The following ART3 variants were observed in gnomAD, a reference collection of about 807,000 sequenced individuals.
The protein encoded by ART3 is ecto-ADP-ribosyltransferase 3.
In ART3, 49 loss-of-function variants were observed where a neutral mutation model predicts 48.5. That is an observed-to-expected ratio of 1.01 (90% CI 0.80 to 1.28). The LOEUF is 1.28. ART3 is among the 50% of genes most tolerant of loss of function. The pLI, the probability that ART3 is intolerant of heterozygous loss-of-function variation, is 0.00. For missense variants in ART3, 438 were observed against 454.3 expected (o/e 0.96, Z 0.33); for synonymous variants, 145 against 157.2 (o/e 0.92, Z 0.58).
At chr4:76,040,479 C>CACACACACACAT (rs1160410234) in intron 1 of ART3, among the ~76,000 whole-genome samples, 1 of 149,748 alleles carries the variant, frequency 6.7e-6, no homozygotes, top group Non-Finnish European at 1.5e-5. Context: ...CACACACACA[C>CACACACACACAT]ATTTCGCCTA....
At chr4:76,045,465 T>C (rs9990733) in intron 1 of ART3, among the ~76,000 whole-genome samples, 93,562 of 151,738 alleles carry the variant, frequency 0.62, 30,197 homozygotes, top group East Asian at 0.94. Context: ...TTGTATTATT[T>C]TGATAGCCTC....
At chr4:76,025,132 A>C (rs1733257204) in intron 1 of ART3, among the ~76,000 whole-genome samples, 1 of 152,214 alleles carries the variant, frequency 6.6e-6, no homozygotes, top group Non-Finnish European at 1.5e-5. Context: ...GACAGAACCC[A>C]AAAGACTTTC....
At chr4:76,048,001 C>T (rs1409333538) in intron 1 of ART3, among the ~76,000 whole-genome samples, 1 of 151,876 alleles carries the variant, frequency 6.6e-6, no homozygotes, top group Non-Finnish European at 1.5e-5. Flanking sequence ...AAATTCCCCT[C>T]CCCCTACAGC....
At chr4:76,044,827 T>C (rs111858324) in intron 1 of ART3, among the ~76,000 whole-genome samples, 6 of 152,016 alleles carry the variant, frequency 3.9e-5, no homozygotes, top group African/African-American at 1.4e-4. Context: ...CTCCTTCCCA[T>C]TTTGATGGCC....
intron 1 of ART3, among the ~76,000 whole-genome samples, chr4:76,060,084 C>T (rs372293926): frequency 5.9e-5 from 9 of 152,128 alleles, no homozygotes; most frequent in African/African-American, 1.9e-4. Context: ...TGTTGCCTTG[C>T]ATGGAGTCAG....
rs766644940 is a variant in ART3, at chr4:76,023,352, A to G, written c.-10+12032A>G. On this transcript the variant is annotated intron_variant, in intron 1 of 9. Coordinates refer to the ART3 transcript ENST00000341029. ...CTATTTCTCATTTTACAAATTAAGT[A>G]TCCTTTGATGTTCCTTACCTTGAAT... 8 of 1,583,464 alleles carry G rather than the reference A, an allele frequency of 5.1e-6. No individual in the cohort carries two copies. The Admixed American group carries it at 1.2e-4, about 23-fold the overall frequency.
chr4:76,085,194 G>A (rs965547651), intron 3 of ART3, among the ~76,000 whole-genome samples: 2 of 152,204 alleles, frequency 1.3e-5, no homozygotes, highest in Admixed American at 1.3e-4. Flanking sequence ...GGGTCTTGAA[G>A]GTGTGATTGC....
chr4:76,066,310 TGAGGAAGAAGAAGAG>T (rs1383882252), intron 1 of ART3, among the ~76,000 whole-genome samples: 4 of 151,814 alleles, frequency 2.6e-5, no homozygotes, highest in African/African-American at 9.7e-5. Flanking sequence ...AAATGAAGGG[TGAGGAAGAAGAAGAG>T]GAGATTTATT....
intron 3 of ART3, among the ~76,000 whole-genome samples, chr4:76,091,401 G>A (rs1724857108): frequency 2.0e-5 from 3 of 152,170 alleles, no homozygotes; most frequent in East Asian, 1.9e-4. Context: ...CATTCTTGCC[G>A]ACACTTGATA....
chr4:76,086,318 A>T (rs1482911461), intron 3 of ART3, among the ~76,000 whole-genome samples: 1 of 152,198 alleles, frequency 6.6e-6, no homozygotes, highest in Non-Finnish European at 1.5e-5. Context: ...AGATTCTGCC[A>T]TTTGCCACAA....
chr4:76,095,513 G>GA (rs1307384251), intron 3 of ART3, among the ~76,000 whole-genome samples: 1 of 151,678 alleles, frequency 6.6e-6, no homozygotes, highest in Admixed American at 6.6e-5. Flanking sequence ...ATCTCAAAAA[G>GA]AAAAAATAAT....
chr4:76,105,494 A>G (rs771265040), intron 10 of ART3: 146 of 1,287,238 alleles, frequency 1.1e-4, no homozygotes, highest in Non-Finnish European at 1.4e-4. Context: ...TGCCTTTGTT[A>G]TTATCTGAAA....
intron 1 of ART3, chr4:76,034,913 C>G: frequency 7.4e-7 from 1 of 1,350,790 alleles, no homozygotes; most frequent in Non-Finnish European, 1.0e-6. Context: ...CTGTTACAAC[C>G]AAGGACCCCT....
chr4:76,082,871 C>A (rs1043786563), intron 3 of ART3, among the ~76,000 whole-genome samples: 4 of 151,892 alleles, frequency 2.6e-5, no homozygotes, highest in Admixed American at 2.6e-4. Flanking sequence ...GGGTAGAGGC[C>A]AGAAACACTG....
chr4:76,038,428 A>AG (rs1203848040), intron 1 of ART3, among the ~76,000 whole-genome samples: 3 of 152,162 alleles, frequency 2.0e-5, no homozygotes, highest in Non-Finnish European at 2.9e-5. Flanking sequence ...GGATAAGGTG[A>AG]GGGGGCTACT....
upstream of ART3, among the ~76,000 whole-genome samples, chr4:76,073,539 T>C (rs752016586): frequency 6.6e-5 from 10 of 152,220 alleles, no homozygotes; most frequent in Non-Finnish European, 1.0e-4. Flanking sequence ...TTCATGATAA[T>C]TTAAAATGTT....
chr4:76,035,965 A>C (rs763263552), intron 1 of ART3: 1 of 1,614,056 alleles, frequency 6.2e-7, no homozygotes, highest in Non-Finnish European at 8.5e-7. Flanking sequence ...AGCCAAGGCT[A>C]TAGCCATGCC....
Position 76,103,911 on chromosome 4 carries a change from A to G in ART3, c.938-26A>G, listed in dbSNP as rs1442287197. 4 of 1,609,218 alleles carry G rather than the reference A, an allele frequency of 2.5e-6. No individual in the cohort carries two copies. In the South Asian group the frequency reaches 4.4e-5, roughly 18 times the overall value. ...ACAGTATAAGATAACTGATTAATAC[A>G]AACCAATATTTATTTCTGCCTTTAG... On this transcript the variant is annotated intron_variant, in intron 8 of 11. Coordinates refer to ENST00000355810, the MANE Select transcript of ART3 (RefSeq NM_001130016.3).
chr4:76,101,982 G>A (rs748701824), intron 8 of ART3, among the ~76,000 whole-genome samples: 4 of 152,206 alleles, frequency 2.6e-5, no homozygotes, highest in African/African-American at 4.8e-5. Context: ...CTATCACAGT[G>A]TTATGGTAGT....
Sources: allele counts gnomAD v4.1 joint callset (sites outside exome capture counted in the v4.1 genomes callset), GRCh38; gene constraint gnomAD v4.1.1; transcripts MANE v1.5; gene names NCBI Gene and HGNC (gene_info 2026-07-23, HGNC 2026-07-21).